Variants in PPP5C observed in about 807,000 individuals in gnomAD.
PPP5C encodes serine/threonine-protein phosphatase 5.
A neutral mutation model predicts 66.7 loss-of-function variants in PPP5C; 21 were observed. The observed-to-expected ratio is 0.31, with a 90% CI of 0.22 to 0.45. PPP5C has a LOEUF of 0.45. PPP5C is among the 20% of genes least tolerant of loss of function. The probability of loss-of-function intolerance (pLI) is 1.00; values close to 1 mark genes in which losing one functional copy is unlikely to be tolerated. For synonymous variants in PPP5C, 246 were observed against 257.4 expected (o/e 0.96, Z 0.43); for missense variants, 464 against 675.9 (o/e 0.69, Z 3.48).
At position 46,390,845 on chromosome 19, in the gene PPP5C, G is replaced by C; in HGVS notation, c.*499G>C. 1 of 1,128,052 alleles carries C rather than the reference G, an allele frequency of 8.9e-7. No homozygotes were observed. Among genetic ancestry groups the C allele is most frequent in the Non-Finnish European group, 1.1e-6 (1 of 907,742 alleles). The allele number at this position is 1,128,052 out of a possible 1,614,324, so 69.9% of individuals were successfully genotyped here. ...AATATGTTAAAATAAAGTCATTATC[G>C]GAAGTCAGCTTGTCTCTGGATGGTG... On this transcript the variant is annotated 3_prime_UTR_variant, in exon 13 of 13. Coordinates refer to ENST00000012443, the MANE Select transcript of PPP5C (RefSeq NM_006247.4).
intron 2 of PPP5C, among the ~76,000 whole-genome samples, chr19:46,359,981 G>A (rs1025920860): frequency 6.6e-6 from 1 of 152,012 alleles, no homozygotes; most frequent in Non-Finnish European, 1.5e-5. Flanking sequence ...GTTTCACCAC[G>A]TTGGCCAGGC....
chr19:46,366,643 C>T (rs1972496169), intron 2 of PPP5C, among the ~76,000 whole-genome samples: 1 of 151,948 alleles, frequency 6.6e-6, no homozygotes, highest in African/African-American at 2.4e-5. Context: ...CCTGCTTGAG[C>T]TTTTAAAGAA....
In PPP5C at chr19:46,388,631, A is replaced by G; in HGVS notation, c.1255A>G (p.Asn419Asp). 1 of 1,614,176 alleles carries G rather than the reference A, an allele frequency of 6.2e-7. No homozygotes were observed. Among genetic ancestry groups the G allele is most frequent in the Non-Finnish European group, 8.5e-7 (1 of 1,180,024 alleles). The change falls in exon 11 of 13, where the codon AAC (asparagine) becomes GAC (aspartate). Residue 419 changes from asparagine (N) to aspartate (D), a missense_variant. Asn to Asp is a conservative substitution (Grantham distance 23, BLOSUM62 1). This residue lies in a region of PPP5C where 387 missense variants were observed against 626.0 expected (regional missense o/e 0.62). Transcript: ENST00000012443. The surrounding 1 kb of genome is among the most constrained non-coding windows in gnomAD (Gnocchi z 4.9). ...CACCAAGGCCTTCTTGGAAGAGAACAACCTGGACTATATCATCCGCAGCCA... is the reference window on the plus strand; with the variant it reads ...CACCAAGGCCTTCTTGGAAGAGAACGACCTGGACTATATCATCCGCAGCCA... ...DVTKAFLEEN[N>D]LDYIIRSHEV... is the part of the protein sequence containing the mutation.
At chr19:46,369,680 C>T (rs1251581413) in intron 2 of PPP5C, among the ~76,000 whole-genome samples, 1 of 150,354 alleles carries the variant, frequency 6.7e-6, no homozygotes, top group African/African-American at 2.5e-5. Flanking sequence ...GTAATCCCAG[C>T]ACTTTAGGAG....
chr19:46,367,554 A>G (rs1043029984), intron 2 of PPP5C, among the ~76,000 whole-genome samples: 1 of 152,106 alleles, frequency 6.6e-6, no homozygotes, highest in African/African-American at 2.4e-5. Context: ...GTGGATTTGT[A>G]ACTTAAAACC....
At chr19:46,357,793 C>T (rs148445278) in intron 2 of PPP5C, among the ~76,000 whole-genome samples, 18 of 152,320 alleles carry the variant, frequency 1.2e-4, no homozygotes, top group South Asian at 2.1e-4. Context: ...AGAGCTTCCG[C>T]GCCCTCTCCT....
rs1469093911 is a variant in PPP5C, at chr19:46,390,735, C to A, written c.*389C>A. ...CAGAGAGAGGGTCAGCAGGGGGGCC[C>A]CGCCTGCGCCTCCCCTCCTATAGCC... On this transcript the variant is annotated 3_prime_UTR_variant, in exon 13 of 13. Transcript: ENST00000012443. 1.8e-6 allele frequency: 2 copies of A among 1,139,658 alleles called. No homozygotes were observed. The highest frequency in any genetic ancestry group is 1.6e-5 in the African/African-American group (1 of 62,648). 70.6% of individuals were successfully genotyped at this position (1,139,658 alleles called of 1,614,324 possible).
intron 2 of PPP5C, among the ~76,000 whole-genome samples, chr19:46,356,778 AC>A (rs1337138888): frequency 6.6e-6 from 1 of 152,230 alleles, no homozygotes; most frequent in Non-Finnish European, 1.5e-5. Flanking sequence ...TGTGGAAATG[AC>A]TTTTCATTTA....
chr19:46,387,699 ATTT>A, intron 9 of PPP5C: 1 of 1,428,930 alleles, frequency 7.0e-7, no homozygotes, highest in Non-Finnish European at 9.2e-7. Context: ...ACCTGTCCTT[ATTT>A]ATTTGTGAGT....
intron 2 of PPP5C, among the ~76,000 whole-genome samples, chr19:46,372,562 A>G (rs2147385332): frequency 6.6e-6 from 1 of 152,260 alleles, no homozygotes; most frequent in South Asian, 2.1e-4. Flanking sequence ...ATCCCCAAAT[A>G]CACGCAGCCC....
At position 46,388,498 on chromosome 19, in the gene PPP5C, G is replaced by C. The variant is rs376831342; in HGVS notation, c.1176+50G>C. ...CCGGCGGGTGTGGGCTGTGGCAGCA[G>C]GTGGAGGCAGACAGTCACCCTGAAC... On this transcript the variant is annotated intron_variant, in intron 10 of 12. Coordinates refer to ENST00000012443, the MANE Select transcript of PPP5C (RefSeq NM_006247.4). This position sits in a 1 kb window ranked among gnomAD's most constrained non-coding sequence, Gnocchi z 4.9. The C allele has an allele frequency of 1.1e-5, 17 of 1,610,268 alleles. No individual in the cohort carries two copies. Among genetic ancestry groups the C allele is most frequent in the Non-Finnish European group, 1.4e-5 (16 of 1,177,330 alleles).
chr19:46,347,126 G>A lies in PPP5C; in HGVS notation c.30G>A (p.Glu10=). 1.2e-6 allele frequency: 2 copies of A among 1,605,300 alleles called. No individual in the cohort carries two copies. The highest frequency in any genetic ancestry group is 1.7e-6 in the Non-Finnish European group (2 of 1,176,220). MAMAEGERT[E]CAEPPRDEPP... ...CGATGGCGGAGGGCGAGAGGACTGA[G>A]TGTGCTGAGCCCCCCCGGGACGAAC... The change falls in exon 1 of 13, where the codon GAG becomes GAA. Residue 10 remains glutamate (E), a synonymous_variant. Coordinates refer to ENST00000012443, the MANE Select transcript of PPP5C (RefSeq NM_006247.4).
chr19:46,377,664 C>G (rs1972719621), intron 4 of PPP5C, among the ~76,000 whole-genome samples: 1 of 152,240 alleles, frequency 6.6e-6, no homozygotes, highest in Admixed American at 6.5e-5. Flanking sequence ...AGCCCTCACT[C>G]CCATCCCAGG....
At position 46,390,760 on chromosome 19, in the gene PPP5C, C is replaced by G. The variant is rs1305383153; in HGVS notation, c.*414C>G. 8.8e-7 allele frequency: 1 copy of G among 1,138,354 alleles called. No individual in the cohort carries two copies. 70.5% of individuals were successfully genotyped at this position (1,138,354 alleles called of 1,614,324 possible). A position where few individuals can be genotyped will look rare whatever the true frequency, so the allele number is the denominator to read the frequency against. ...CCGCCTGCGCCTCCCCTCCTATAGCCCCATGGTGGGGCTAGGCTGGGGCTC... is the reference window on the plus strand; with the variant it reads ...CCGCCTGCGCCTCCCCTCCTATAGCGCCATGGTGGGGCTAGGCTGGGGCTC... On this transcript the variant is annotated 3_prime_UTR_variant, in exon 13 of 13. Transcript: ENST00000012443.
At chr19:46,350,410 G>A (rs1178956970) in intron 1 of PPP5C, among the ~76,000 whole-genome samples, 2 of 152,192 alleles carry the variant, frequency 1.3e-5, no homozygotes, top group Admixed American at 6.5e-5. Context: ...TCAGAATTCT[G>A]GGCCACAGCA....
intron 2 of PPP5C, among the ~76,000 whole-genome samples, chr19:46,355,880 GGCAGGGTCTTCATCTCGTGTGGGGCT>G (rs1416800175): frequency 1.3e-5 from 2 of 152,040 alleles, no homozygotes; most frequent in African/African-American, 4.8e-5. Context: ...ACAGGTTTAG[GGCAGGGTCTTCATCTCGTGTGGGGCT>G]GCAGGAGCAT....
chr19:46,365,373 C>T (rs987945259), intron 2 of PPP5C, among the ~76,000 whole-genome samples: 4 of 152,124 alleles, frequency 2.6e-5, no homozygotes, highest in Non-Finnish European at 5.9e-5. Flanking sequence ...CTGTCTCAGC[C>T]TCCCAAAGTG....
At chr19:46,352,988 G>A (rs1237566034) in intron 1 of PPP5C, among the ~76,000 whole-genome samples, 1 of 152,172 alleles carries the variant, frequency 6.6e-6, no homozygotes, top group East Asian at 1.9e-4. Flanking sequence ...GCCCTGCATG[G>A]CTCTGGTACA....
chr19:46,347,745 T>C (rs1433629194), intron 1 of PPP5C, among the ~76,000 whole-genome samples: 1 of 151,624 alleles, frequency 6.6e-6, no homozygotes, highest in Non-Finnish European at 1.5e-5. Context: ...GGAGTAAGGG[T>C]GGGGATCCTT....
Sources: allele counts gnomAD v4.1 joint callset (sites outside exome capture counted in the v4.1 genomes callset), GRCh38; gene constraint gnomAD v4.1.1; regional missense constraint gnomAD v4.1.1; non-coding constraint Gnocchi (gnomAD v3.1); transcripts MANE v1.5; gene names NCBI Gene and HGNC (gene_info 2026-07-23, HGNC 2026-07-21).